The following TENM1 variants were observed in gnomAD, a reference collection of about 807,000 sequenced individuals.
TENM1 encodes the protein teneurin transmembrane protein 1.
A neutral mutation model predicts 174.8 loss-of-function variants in TENM1; 35 were observed. The observed-to-expected ratio is 0.20, with a 90% CI of 0.15 to 0.27. The LOEUF (loss-of-function observed/expected upper bound fraction) is 0.27, where lower values mean the gene tolerates loss of function less well. Ranked by LOEUF, TENM1 falls within the 10% of genes least tolerant of loss-of-function variation. The probability of loss-of-function intolerance (pLI) is 1.00; values close to 1 mark genes in which losing one functional copy is unlikely to be tolerated. For synonymous variants in TENM1, 781 were observed against 798.7 expected (o/e 0.98, Z 0.37); for missense variants, 1,633 against 2,130.1 (o/e 0.77, Z 4.59).
the TENM1 span, among the ~76,000 whole-genome samples, chrX:124,990,535 C>T: frequency 2.6e-3 from 295 of 112,655 alleles, 1 homozygote; most frequent in African/African-American, 9.1e-3. Flanking sequence ...GTGGAGTAGG[C>T]AGGTGCCCAT....
At chrX:124,911,995 A>C (rs112612453) in intron 1 of TENM1, among the ~76,000 whole-genome samples, 1,532 of 112,170 alleles carry the variant, frequency 0.014, 32 homozygotes, top group African/African-American at 0.047. Context: ...GGTATCAGAG[A>C]TAAAGCAATG....
At chrX:124,653,670 T>C (rs1026895550) in exon 7 of TENM1, 16 of 1,208,734 alleles carry the variant, frequency 1.3e-5, no homozygotes, top group Non-Finnish European at 1.8e-5. Flanking sequence ...TTCAGATATA[T>C]TGGATGGTGG....
chrX:124,750,784 A>G (rs913298498), intron 3 of TENM1, among the ~76,000 whole-genome samples: 13 of 111,832 alleles, frequency 1.2e-4, no homozygotes, highest in African/African-American at 4.2e-4. Context: ...CCACTCAGCC[A>G]TCTCTCCTGG....
chrX:124,539,067 A>G (rs774757172), intron 15 of TENM1, among the ~76,000 whole-genome samples: 1 of 111,370 alleles, frequency 9.0e-6, no homozygotes, highest in South Asian at 3.8e-4. Context: ...CACCTCATCC[A>G]TTTATCGGTA....
chrX:125,202,631 C>A, the TENM1 span, among the ~76,000 whole-genome samples: 2 of 110,905 alleles, frequency 1.8e-5, no homozygotes, highest in African/African-American at 6.6e-5. Flanking sequence ...ACGGCGAGTA[C>A]GAGCTGCAAA....
At chrX:124,736,439 T>G (rs1398023589) in intron 4 of TENM1, among the ~76,000 whole-genome samples, 1 of 110,980 alleles carries the variant, frequency 9.0e-6, no homozygotes, top group Non-Finnish European at 1.9e-5. Flanking sequence ...AAAGGCAGAA[T>G]TTAGTTTTTA....
the TENM1 span, among the ~76,000 whole-genome samples, chrX:125,079,087 C>G: frequency 8.9e-6 from 1 of 111,973 alleles, no homozygotes; most frequent in African/African-American, 3.2e-5. Flanking sequence ...CCTCACAATA[C>G]TGCCTCTCAT....
At chrX:124,759,715 G>A (rs1449533006) in intron 3 of TENM1, among the ~76,000 whole-genome samples, 8 of 111,911 alleles carry the variant, frequency 7.1e-5, no homozygotes, top group Non-Finnish European at 1.5e-4. Flanking sequence ...GCTGTGTCAA[G>A]TAATGATAAA....
chrX:124,711,887 C>G (rs2053059451), intron 4 of TENM1, among the ~76,000 whole-genome samples: 1 of 111,494 alleles, frequency 9.0e-6, no homozygotes, highest in African/African-American at 3.3e-5. Context: ...AACCACCATT[C>G]TATTTGTTTC....
intron 11 of TENM1, among the ~76,000 whole-genome samples, chrX:124,574,953 T>A (rs148715766): frequency 8.9e-6 from 1 of 112,156 alleles, no homozygotes; most frequent in African/African-American, 3.2e-5. Context: ...TCCTTCCATT[T>A]CTCAGTAGTA....
At chrX:124,645,726 T>C (rs2148382373) in intron 9 of TENM1, among the ~76,000 whole-genome samples, 1 of 112,460 alleles carries the variant, frequency 8.9e-6, no homozygotes, top group African/African-American at 3.2e-5. Flanking sequence ...TTATAAAATA[T>C]TATCTTTAAA....
At chrX:124,959,996 T>G (rs1241644904) in intron 1 of TENM1, among the ~76,000 whole-genome samples, 3 of 112,145 alleles carry the variant, frequency 2.7e-5, no homozygotes, top group Non-Finnish European at 5.6e-5. Flanking sequence ...ATCAATCTTC[T>G]ACACTGCTGC....
chrX:124,381,324 G>C (rs907274709), intron 31 of TENM1, 30 bp from the exon 35 acceptor site: 37 of 1,156,199 alleles, frequency 3.2e-5, no homozygotes, highest in Admixed American at 4.7e-5. Flanking sequence ...AGCAGATGCA[G>C]CATGGAGTTA....
the TENM1 span, among the ~76,000 whole-genome samples, chrX:125,139,858 GGAGAGAGAGAGAGA>G: frequency 2.2e-5 from 2 of 89,906 alleles, no homozygotes; most frequent in Non-Finnish European, 4.3e-5. Flanking sequence ...ACACACACAC[GGAGAGAGAGAGAGA>G]GAGAGAGAGA....
chrX:125,182,099 T>C, the TENM1 span, among the ~76,000 whole-genome samples: 76 of 110,856 alleles, frequency 6.9e-4, 1 homozygote, highest in African/African-American at 2.2e-3. Flanking sequence ...CTGAATTCTT[T>C]CCTGGAGGCT....
chrX:124,382,390 C>A (rs1455412390), intron 31 of TENM1, among the ~76,000 whole-genome samples: 2 of 110,923 alleles, frequency 1.8e-5, no homozygotes, highest in Non-Finnish European at 1.9e-5. Context: ...TCTTGGTAGC[C>A]CATTTCAGAA....
chrX:124,651,185 C>T (rs1431464255), intron 8 of TENM1, among the ~76,000 whole-genome samples: 7 of 111,499 alleles, frequency 6.3e-5, no homozygotes, highest in Non-Finnish European at 1.3e-4. Flanking sequence ...TTTCAGGACT[C>T]TAAAATTGCT....
At chrX:124,734,743 A>C (rs1205473558) in intron 4 of TENM1, among the ~76,000 whole-genome samples, 3 of 112,017 alleles carry the variant, frequency 2.7e-5, no homozygotes, top group Non-Finnish European at 1.9e-5. Flanking sequence ...AACCAGTCTT[A>C]GGAGAGTTGA....
chrX:125,159,036 C>T, the TENM1 span, among the ~76,000 whole-genome samples: 1 of 110,638 alleles, frequency 9.0e-6, no homozygotes, highest in Non-Finnish European at 1.9e-5. Flanking sequence ...TCTAGCAGCA[C>T]ATGAAGAGGT....
Sources: allele counts gnomAD v4.1 joint callset (sites outside exome capture counted in the v4.1 genomes callset), GRCh38; gene constraint gnomAD v4.1.1; transcripts MANE v1.5; gene names NCBI Gene and HGNC (gene_info 2026-07-23, HGNC 2026-07-21).